Variants in BRMS1L observed in about 807,000 individuals in gnomAD.
BRMS1L encodes breast cancer metastasis-suppressor 1-like protein.
A neutral mutation model predicts 50.3 loss-of-function variants in BRMS1L; 23 were observed. That is an observed-to-expected ratio of 0.46 (90% CI 0.33 to 0.65). The LOEUF (loss-of-function observed/expected upper bound fraction) is 0.65, where lower values mean the gene tolerates loss of function less well. BRMS1L is among the 30% of genes least tolerant of loss of function. BRMS1L has a pLI of 0.02. For missense variants in BRMS1L, 286 were observed against 386.1 expected (o/e 0.74, Z 2.17); for synonymous variants, 114 against 126.9 (o/e 0.90, Z 0.69).
chr14:35,832,972 G>A lies in BRMS1L; in HGVS notation c.234-6G>A. 2 of 1,602,454 alleles carry A rather than the reference G, an allele frequency of 1.2e-6. No individual in the cohort carries two copies. The highest frequency in any genetic ancestry group is 1.7e-6 in the Non-Finnish European group (2 of 1,174,044). Reference sequence around the variant, plus strand: ...AAATTAACATATTAATTTTTGCTTTGTTAAGACTTTATAAAGAACGATTAA... The same window carrying A: ...AAATTAACATATTAATTTTTGCTTTATTAAGACTTTATAAAGAACGATTAA... On this transcript the variant is annotated splice_region_variant and splice_polypyrimidine_tract_variant and intron_variant, in intron 2 of 9. Transcript: ENST00000216807.
chr14:35,856,611 T>TGTG (rs1555315092), intron 4 of BRMS1L, among the ~76,000 whole-genome samples: 3 of 149,414 alleles, frequency 2.0e-5, no homozygotes, highest in Admixed American at 2.0e-4. Context: ...TACATTTTTT[T>TGTG]GGGGGGGGGT....
chr14:35,849,951 C>A (rs1040302786), intron 4 of BRMS1L, among the ~76,000 whole-genome samples: 3 of 151,604 alleles, frequency 2.0e-5, no homozygotes, highest in African/African-American at 7.3e-5. Context: ...TCCCCAGTAG[C>A]TGGGGCTACA....
chr14:35,832,231 A>G (rs551137811), intron 2 of BRMS1L, among the ~76,000 whole-genome samples: 2 of 151,042 alleles, frequency 1.3e-5, no homozygotes, highest in South Asian at 4.2e-4. Context: ...TGGGCCGGGC[A>G]CGGTGGCTTA....
intron 4 of BRMS1L, among the ~76,000 whole-genome samples, chr14:35,848,771 G>A (rs557771216): frequency 3.9e-5 from 6 of 152,082 alleles, no homozygotes; most frequent in Admixed American, 6.5e-5. Flanking sequence ...TCATGTTGTC[G>A]CAAGTGACAG....
intron 3 of BRMS1L, among the ~76,000 whole-genome samples, chr14:35,834,632 A>C (rs1233305922): frequency 1.3e-5 from 2 of 152,184 alleles, no homozygotes; most frequent in Non-Finnish European, 2.9e-5. Flanking sequence ...CTAGCAGTAC[A>C]GTTTCTTTCT....
intron 9 of BRMS1L, 39 bp downstream of exon 9, chr14:35,868,071 G>T (rs1331320011): frequency 6.4e-7 from 1 of 1,551,876 alleles, no homozygotes; most frequent in East Asian, 2.3e-5. Context: ...GCTCAGTATT[G>T]TCATTTACAA....
chr14:35,843,801 C>G (rs1343980651), intron 4 of BRMS1L, among the ~76,000 whole-genome samples: 1 of 152,248 alleles, frequency 6.6e-6, no homozygotes, highest in Non-Finnish European at 1.5e-5. Context: ...CGCCTTCCCC[C>G]AGGTGCTCTG....
chr14:35,840,863 A>C (rs926901341), intron 4 of BRMS1L, among the ~76,000 whole-genome samples: 1 of 150,906 alleles, frequency 6.6e-6, no homozygotes, highest in African/African-American at 2.4e-5. Context: ...GTTCTGCTCC[A>C]ATCTTTGTTA....
At chr14:35,836,599 C>A (rs112257727) in intron 4 of BRMS1L, among the ~76,000 whole-genome samples, 4,197 of 152,292 alleles carry the variant, frequency 0.028, 148 homozygotes, top group African/African-American at 0.078. Context: ...GCCTTGGCCT[C>A]CTGAAGTGTT....
Position 35,868,019 on chromosome 14 carries a change from G to C in BRMS1L, c.841G>C (p.Glu281Gln). ...AACAATATGTATTGATAAAAAAGATGAATGTCCTACAAGGTAAAAAAGCCT... is the reference window on the plus strand; with the variant it reads ...AACAATATGTATTGATAAAAAAGATCAATGTCCTACAAGGTAAAAAAGCCT... Reference protein sequence around the residue: ...GQTICIDKKDECPTSAVITTI... With the variant: ...GQTICIDKKDQCPTSAVITTI... The change falls in exon 9 of 10, where the codon GAA becomes CAA. Residue 281 changes from glutamate (E) to glutamine (Q), a missense_variant. Physicochemically the swap from Glu to Gln is conservative, Grantham distance 29 (BLOSUM62 2). This residue lies in a region of BRMS1L where 49 missense variants were observed against 39.1 expected (regional missense o/e 1.25). Transcript: ENST00000216807. 6.3e-7 allele frequency: 1 copy of C among 1,598,444 alleles called. No homozygotes were observed. Among genetic ancestry groups the C allele is most frequent in the Non-Finnish European group, 8.5e-7 (1 of 1,175,504 alleles).
intron 7 of BRMS1L, among the ~76,000 whole-genome samples, 197 bp downstream of exon 7, chr14:35,865,196 TTTGA>T (rs950401898): frequency 2.0e-5 from 3 of 152,184 alleles, no homozygotes; most frequent in Non-Finnish European, 4.4e-5. Flanking sequence ...ATGTCAGCAG[TTTGA>T]TTGTATTTTT....
intron 1 of BRMS1L, among the ~76,000 whole-genome samples, chr14:35,828,638 T>C (rs114501833): frequency 0.045 from 6,792 of 152,000 alleles, 457 homozygotes; most frequent in African/African-American, 0.14. Context: ...CACGCTCAGA[T>C]AATTTTTGTG....
At chr14:35,856,151 G>A (rs1350411209) in intron 4 of BRMS1L, among the ~76,000 whole-genome samples, 3 of 152,194 alleles carry the variant, frequency 2.0e-5, no homozygotes, top group Non-Finnish European at 2.9e-5. Flanking sequence ...ATAGAGAGGA[G>A]GGGCAGGACC....
chr14:35,846,970 TAAAA>T (rs200435850), intron 4 of BRMS1L, among the ~76,000 whole-genome samples: 23 of 150,890 alleles, frequency 1.5e-4, no homozygotes, highest in Non-Finnish European at 3.1e-4. Flanking sequence ...GCTGTTTTTT[TAAAA>T]AAAAACACAA....
At chr14:35,834,952 T>C in intron 4 of BRMS1L, 29 bp downstream of exon 4, 2 of 1,551,848 alleles carry the variant, frequency 1.3e-6, no homozygotes, top group South Asian at 1.2e-5. Context: ...ACTTTTAAGC[T>C]AATTTCATCT....
intron 4 of BRMS1L, among the ~76,000 whole-genome samples, chr14:35,857,176 G>GGTT (rs2078291050): frequency 6.6e-6 from 1 of 151,348 alleles, no homozygotes; most frequent in Non-Finnish European, 1.5e-5. Context: ...GGGAGACGGA[G>GGTT]GTTGCAGTGA....
chr14:35,844,515 A>G (rs1388641682), intron 4 of BRMS1L, among the ~76,000 whole-genome samples: 2 of 152,026 alleles, frequency 1.3e-5, no homozygotes, highest in Non-Finnish European at 2.9e-5. Flanking sequence ...TGTGGGCTGT[A>G]CCCACTGTTT....
At chr14:35,837,880 TAAA>T (rs1306581126) in intron 4 of BRMS1L, among the ~76,000 whole-genome samples, 1 of 152,128 alleles carries the variant, frequency 6.6e-6, no homozygotes, top group Admixed American at 6.5e-5. Context: ...AATTACTTTT[TAAA>T]AAAATTATAC....
intron 6 of BRMS1L, 83 bp from the exon 7 acceptor site, chr14:35,864,838 CTCATAAATCATCGT>C: frequency 2.3e-6 from 2 of 875,508 alleles, no homozygotes. Context: ...AAGCATTATG[CTCATAAATCATCGT>C]TCCATTTTCT....
Sources: gnomAD v4.1 joint callset for allele counts (sites outside exome capture counted in the v4.1 genomes callset) on GRCh38, gnomAD v4.1.1 for gene constraint, gnomAD v4.1.1 regional missense constraint, MANE v1.5 for transcripts, NCBI Gene and HGNC (gene_info 2026-07-23, HGNC 2026-07-21) for gene names.